The following TBC1D4 variants were observed in gnomAD, a reference collection of about 807,000 sequenced individuals.
TBC1D4 encodes the protein TBC (Tre-2, BUB2, CDC16) domain-containing protein.
Under a neutral mutation model 142.5 loss-of-function variants are expected in TBC1D4, and 121 were observed. The ratio of observed to expected loss-of-function variants is 0.85; its 90% confidence interval spans 0.73 to 0.99. TBC1D4 has a LOEUF of 0.99. Ranked by LOEUF, TBC1D4 falls within the 50% of genes least tolerant of loss-of-function variation. The pLI, the probability that TBC1D4 is intolerant of heterozygous loss-of-function variation, is 0.00. For missense variants in TBC1D4, 1,475 were observed against 1,606.6 expected (o/e 0.92, Z 1.40); for synonymous variants, 630 against 628.2 (o/e 1.00, Z -0.04).
rs187269626 is a variant in TBC1D4, at chr13:75,396,712, T to C, written c.499-34105A>G. ...ACAATGATGAAGCAGGAATATAAGA[T>C]CAGAAAACAAATTTGGGGAAAACAA... On this transcript the variant is annotated intron_variant, in intron 1 of 20. Transcript: ENST00000377636. 3.4e-4 allele frequency among the ~76,000 whole-genome samples: 52 copies of C among 151,914 alleles called. 1 individual carries two copies. The highest frequency in any genetic ancestry group is 5.9e-4 in the Non-Finnish European group (40 of 67,944).
At chr13:75,312,567 T>C (rs1314293505) in intron 13 of TBC1D4, among the ~76,000 whole-genome samples, 171 bp downstream of exon 13, 3 of 152,182 alleles carry the variant, frequency 2.0e-5, no homozygotes, top group Non-Finnish European at 4.4e-5. Context: ...CAAGCAGGTA[T>C]TGAATGCCTA....
chr13:75,309,709 T>G (rs1475785304), intron 14 of TBC1D4, among the ~76,000 whole-genome samples: 1 of 152,232 alleles, frequency 6.6e-6, no homozygotes, highest in Non-Finnish European at 1.5e-5. Context: ...TTAAATCTAT[T>G]TAAAATGCAA....
chr13:75,315,399 C>A (rs9543901), intron 12 of TBC1D4, among the ~76,000 whole-genome samples: 1 of 139,888 alleles, frequency 7.1e-6, no homozygotes, highest in Non-Finnish European at 1.5e-5. Context: ...TATATATATA[C>A]ACACATATAT....
At chr13:75,361,542 G>A (rs535475339) in intron 2 of TBC1D4, among the ~76,000 whole-genome samples, 3 of 152,136 alleles carry the variant, frequency 2.0e-5, no homozygotes, top group Non-Finnish European at 1.5e-5. Flanking sequence ...CACCACATCC[G>A]GCTAATTTTT....
intron 1 of TBC1D4, among the ~76,000 whole-genome samples, chr13:75,391,388 C>CA (rs1479846839): frequency 6.6e-6 from 1 of 152,162 alleles, no homozygotes; most frequent in East Asian, 1.9e-4. Flanking sequence ...CATATAACAT[C>CA]AGGCAATTAC....
At chr13:75,373,659 G>T (rs930694289) in intron 1 of TBC1D4, among the ~76,000 whole-genome samples, 6 of 152,252 alleles carry the variant, frequency 3.9e-5, no homozygotes, top group African/African-American at 1.4e-4. Context: ...TGCCTGCTGT[G>T]GCTGCTCCTG....
In TBC1D4 at chr13:75,357,999, C is replaced by CTG. The variant is rs562093087; in HGVS notation, c.1171-1749_1171-1748insCA. ...TGGTTTGGCTAGTTCTTTTTTCTTT[C>CTG]TATTTTTTTTTCTTTTAGCTGCCCA... On this transcript the variant is annotated intron_variant, in intron 3 of 20. Coordinates refer to ENST00000377636, the MANE Select transcript of TBC1D4 (RefSeq NM_014832.5). 6.2e-4 allele frequency among the ~76,000 whole-genome samples: 8 copies of CTG among 12,972 alleles called. No homozygotes were observed. In the East Asian group the frequency reaches 7.2e-3, roughly 12 times the overall value. The allele number at this position is 12,972 out of a possible 152,430, so 8.5% of individuals were successfully genotyped here.
At position 75,309,698 on chromosome 13, in the gene TBC1D4, C is replaced by CTTAA. The variant is rs539192713; in HGVS notation, c.2593+240_2593+243dup. Among the ~76,000 whole-genome samples the CTTAA allele has an allele frequency of 1.4e-4, 22 of 152,240 alleles. No homozygotes were observed. The South Asian group carries it at 2.9e-3, about 20-fold the overall frequency. ...AATATACTCTAAGAGTTTCTTAAGT[C>CTTAA]TTAAATCTATTTAAAATGCAAACCC... On this transcript the variant is annotated intron_variant, in intron 14 of 20. Transcript: ENST00000377636.
chr13:75,355,723 TAATAA>T (rs572666542), intron 4 of TBC1D4, among the ~76,000 whole-genome samples: 8 of 152,300 alleles, frequency 5.3e-5, no homozygotes, highest in South Asian at 2.1e-4. Context: ...AAGAAGGGGC[TAATAA>T]AATAAAAGAA....
At chr13:75,377,076 T>C (rs1883552303) in intron 1 of TBC1D4, among the ~76,000 whole-genome samples, 1 of 152,218 alleles carries the variant, frequency 6.6e-6, no homozygotes. Flanking sequence ...TATAAATTTT[T>C]CTGTCTGATT....
At position 75,302,794 on chromosome 13, in the gene TBC1D4, T is replaced by C. The variant is rs7331716; in HGVS notation, c.2753-393A>G. ...GCTGAGGCAGAAAGAGATGAAGTAA[T>C]TGCCCCAAGTTCACATGGCTAGGAA... is the stretch of plus-strand genomic sequence containing the variant. On this transcript the variant is annotated intron_variant, in intron 15 of 20. Coordinates refer to ENST00000377636, the MANE Select transcript of TBC1D4 (RefSeq NM_014832.5). 3.2e-3 allele frequency: 824 copies of C among 255,128 alleles called. 6 individuals are homozygous for C. Among genetic ancestry groups the C allele is most frequent in the African/African-American group, 0.017 (769 of 44,622 alleles). 15.8% of individuals were successfully genotyped at this position (255,128 alleles called of 1,614,324 possible). A position where few individuals can be genotyped will look rare whatever the true frequency, so the allele number is the denominator to read the frequency against.
In TBC1D4 at chr13:75,473,725, C is replaced by T. The variant is rs143759484; in HGVS notation, c.498+7545G>A. Among the ~76,000 whole-genome samples the T allele has an allele frequency of 2.0e-5, 3 of 152,286 alleles. No homozygotes were observed. In the East Asian group the frequency reaches 5.8e-4, roughly 29 times the overall value. On this transcript the variant is annotated intron_variant, in intron 1 of 20. Coordinates refer to ENST00000377636, the MANE Select transcript of TBC1D4 (RefSeq NM_014832.5). Reference sequence around the variant, plus strand: ...GATCAGTAAAACAGTAATAACAACCCTGATTTCCTTCTGCTGAGACTGCAC... The same window carrying T: ...GATCAGTAAAACAGTAATAACAACCTTGATTTCCTTCTGCTGAGACTGCAC...
At chr13:75,315,309 A>AAAAAC (rs1372902124) in intron 12 of TBC1D4, among the ~76,000 whole-genome samples, 14 of 151,098 alleles carry the variant, frequency 9.3e-5, no homozygotes, top group Middle Eastern at 6.9e-3. Context: ...CTCTGTCCCA[A>AAAAAC]AAAACAAAAC....
At position 75,481,318 on chromosome 13, in the gene TBC1D4, G is replaced by C. The variant is rs1308172638; in HGVS notation, c.450C>G (p.Pro150=). The change falls in exon 1 of 21, where the codon CCC becomes CCG. Residue 150 remains proline (P), a synonymous_variant. Transcript: ENST00000377636. ...AYLIKAQPDD[P]ESQMACHVFR... ...AAACGTGGCAGGCCATCTGCGACTC[G>C]GGGTCGTCGGGCTGCGCCTTGATCA... The C allele has an allele frequency of 5.0e-6, 8 of 1,613,746 alleles. No individual in the cohort carries two copies. The highest frequency in any genetic ancestry group is 2.2e-5 in the East Asian group (1 of 44,876).
intron 1 of TBC1D4, among the ~76,000 whole-genome samples, chr13:75,393,575 G>A (rs1884607882): frequency 1.3e-5 from 2 of 152,134 alleles, no homozygotes; most frequent in African/African-American, 4.8e-5. Flanking sequence ...GCGGTTTAGA[G>A]TTACCCAGAC....
intron 1 of TBC1D4, among the ~76,000 whole-genome samples, chr13:75,448,352 G>C (rs1014357455): frequency 6.6e-6 from 1 of 152,062 alleles, no homozygotes; most frequent in Non-Finnish European, 1.5e-5. Flanking sequence ...CAGATCACCT[G>C]AGGTCGGGAG....
At chr13:75,472,419 A>G (rs566183546) in intron 1 of TBC1D4, among the ~76,000 whole-genome samples, 1 of 152,156 alleles carries the variant, frequency 6.6e-6, no homozygotes, top group African/African-American at 2.4e-5. Context: ...ACTCCGTCTC[A>G]GAGAAAAAAA....
intron 14 of TBC1D4, among the ~76,000 whole-genome samples, chr13:75,308,827 G>A (rs934135238): frequency 1.3e-5 from 2 of 152,122 alleles, no homozygotes; most frequent in African/African-American, 4.8e-5. Flanking sequence ...TTGAAGAAAA[G>A]AAGATGTATT....
chr13:75,313,004 C>G lies in TBC1D4; in HGVS notation c.2223-106G>C, dbSNP rs1247984579. 3 of 1,268,776 alleles carry G rather than the reference C, an allele frequency of 2.4e-6. No individual in the cohort carries two copies. In the East Asian group the frequency reaches 7.5e-5, roughly 32 times the overall value. The allele number at this position is 1,268,776 out of a possible 1,614,324, so 78.6% of individuals were successfully genotyped here. ...ATTCACAAGTTCTGTCACGGGCAAG[C>G]ACAAGCCACAGGCAACATGGAGCAA... is the stretch of plus-strand genomic sequence containing the variant. On this transcript the variant is annotated intron_variant, in intron 12 of 20. Coordinates refer to ENST00000377636, the MANE Select transcript of TBC1D4 (RefSeq NM_014832.5).
Sources: gnomAD v4.1 joint callset for allele counts (sites outside exome capture counted in the v4.1 genomes callset) on GRCh38, gnomAD v4.1.1 for gene constraint, MANE v1.5 for transcripts, NCBI Gene and HGNC (gene_info 2026-07-23, HGNC 2026-07-21) for gene names.